The following ITGB3BP variants were observed in gnomAD, a reference collection of about 807,000 sequenced individuals.
ITGB3BP encodes integrin subunit beta 3 binding protein, also known as centromere protein R.
ITGB3BP carries 27 observed loss-of-function variants against 29.1 expected under a neutral mutation model. That is an observed-to-expected ratio of 0.93 (90% CI 0.68 to 1.28). ITGB3BP has a LOEUF of 1.28. ITGB3BP is among the 50% of genes most tolerant of loss of function. ITGB3BP has a pLI of 0.00. For missense variants in ITGB3BP, 192 were observed against 200.2 expected (o/e 0.96, Z 0.25); for synonymous variants, 61 against 61.4 (o/e 0.99, Z 0.03).
At chr1:63,513,908 T>G (rs777764364) in intron 1 of ITGB3BP, among the ~76,000 whole-genome samples, 5 of 152,208 alleles carry the variant, frequency 3.3e-5, no homozygotes, top group Non-Finnish European at 7.3e-5. Context: ...AATTTACATA[T>G]AGCAAGCAGC....
At chr1:63,472,586 T>A (rs1012928865) in intron 4 of ITGB3BP, among the ~76,000 whole-genome samples, 7 of 150,130 alleles carry the variant, frequency 4.7e-5, no homozygotes, top group African/African-American at 1.5e-4. Flanking sequence ...TTCTCCTGCC[T>A]CAGCCTGCCG....
intron 2 of ITGB3BP, among the ~76,000 whole-genome samples, chr1:63,503,916 C>T (rs1301690150): frequency 1.3e-5 from 2 of 149,894 alleles, no homozygotes; most frequent in Admixed American, 6.6e-5. Flanking sequence ...GTTACTGTAG[C>T]CTTGTAGTAT....
At chr1:63,519,967 T>C (rs1646412682) in intron 1 of ITGB3BP, among the ~76,000 whole-genome samples, 1 of 152,184 alleles carries the variant, frequency 6.6e-6, no homozygotes, top group African/African-American at 2.4e-5. Context: ...TTTATAGCTT[T>C]AGTTCAGTCA....
At position 63,454,292 on chromosome 1, in the gene ITGB3BP, T is replaced by C; in HGVS notation, c.427+88A>G. 1 of 603,200 alleles carries C rather than the reference T, an allele frequency of 1.7e-6. No homozygotes were observed. Among genetic ancestry groups the C allele is most frequent in the Non-Finnish European group, 2.9e-6 (1 of 341,642 alleles). 37.4% of individuals were successfully genotyped at this position (603,200 alleles called of 1,614,324 possible). A position where few individuals can be genotyped will look rare whatever the true frequency, so the allele number is the denominator to read the frequency against. ...TTTTATCACATGTCCAGTAATGGTA[T>C]ATATAAAGAAGTCTATCAAATGTAA... On this transcript the variant is annotated intron_variant, in intron 6 of 8. Coordinates refer to ENST00000271002, the MANE Select transcript of ITGB3BP (RefSeq NM_014288.5). This position sits in a 1 kb window ranked among gnomAD's most constrained non-coding sequence, Gnocchi z 4.1.
rs544762352 is a variant in ITGB3BP at position 63,485,527 on chromosome 1, G to C, written c.184+4556C>G. Among the ~76,000 whole-genome samples the C allele has an allele frequency of 2.0e-5, 3 of 150,928 alleles. No homozygotes were observed. In the South Asian group the frequency reaches 6.3e-4, roughly 32 times the overall value. On this transcript the variant is annotated intron_variant, in intron 3 of 8. Transcript: ENST00000271002. ...TTGTTTGACTTTTGCTTTATAGTCA[G>C]CAAAACTTGTAATTAGATTAACATG...
chr1:63,500,223 C>T (rs558195090), intron 2 of ITGB3BP, among the ~76,000 whole-genome samples: 1 of 152,160 alleles, frequency 6.6e-6, no homozygotes, highest in Admixed American at 6.5e-5. Flanking sequence ...ACTAAAAATA[C>T]AAAATTTAGC....
At chr1:63,450,757 T>C (rs2100488422) in intron 7 of ITGB3BP, among the ~76,000 whole-genome samples, 1 of 152,114 alleles carries the variant, frequency 6.6e-6, no homozygotes, top group East Asian at 1.9e-4. Context: ...ATTTCCTAAG[T>C]AACTGAAGAA....
intron 3 of ITGB3BP, among the ~76,000 whole-genome samples, chr1:63,483,717 A>G (rs148691409): frequency 1.6e-3 from 244 of 152,302 alleles, no homozygotes; most frequent in African/African-American, 5.7e-3. Context: ...TTGGTCAGTG[A>G]CAAACCACAT....
rs767489772 is a variant in ITGB3BP at position 63,454,958 on chromosome 1, A to G, written c.265T>C (p.Leu89=). 2.4e-5 allele frequency: 36 copies of G among 1,521,166 alleles called. No homozygotes were observed. Among genetic ancestry groups the G allele is most frequent in the Non-Finnish European group, 3.2e-5 (35 of 1,096,880 alleles). 94.2% of individuals were successfully genotyped at this position (1,521,166 alleles called of 1,614,324 possible). The change falls in exon 5 of 9, where the codon TTG becomes CTG. Residue 89 remains leucine, a synonymous_variant. Transcript: ENST00000271002. This position sits in a 1 kb window ranked among gnomAD's most constrained non-coding sequence, Gnocchi z 4.1. ...GACAATTTCTCAACTTTTGATAGCA[A>G]CATCATGAATCTAGTAATAAAGAAA... ...TTKDNDEFMM[L]LSKVEKLSEE...
intron 4 of ITGB3BP, among the ~76,000 whole-genome samples, chr1:63,465,315 C>T (rs978631343): frequency 6.6e-6 from 1 of 151,974 alleles, no homozygotes; most frequent in Non-Finnish European, 1.5e-5. Flanking sequence ...AATATTCTTG[C>T]AAATTTTCTG....
intron 4 of ITGB3BP, among the ~76,000 whole-genome samples, chr1:63,475,963 A>G (rs2100613072): frequency 6.9e-6 from 1 of 145,084 alleles, no homozygotes; most frequent in South Asian, 2.2e-4. Context: ...GTGTCATTGC[A>G]TTCCAGACTG....
chr1:63,508,578 CAAAAAATTTA>C lies in ITGB3BP; in HGVS notation c.6-18_6-9del. On this transcript the variant is annotated splice_polypyrimidine_tract_variant and intron_variant, in intron 1 of 8. Coordinates refer to ENST00000271002, the MANE Select transcript of ITGB3BP (RefSeq NM_014288.5). ...TTCAGTGATCTTTTAACACTACAAACAAAAAATTTAAAGAAATTTTAGATTTGACACGCTT... is the reference window on the plus strand; with the variant it reads ...TTCAGTGATCTTTTAACACTACAAACAAGAAATTTTAGATTTGACACGCTT... 7.7e-7 allele frequency: 1 copy of C among 1,305,220 alleles called. No homozygotes were observed. The allele number at this position is 1,305,220 out of a possible 1,614,324, so 80.9% of individuals were successfully genotyped here. A position where few individuals can be genotyped will look rare whatever the true frequency, so the allele number is the denominator to read the frequency against.
exon 2 of ITGB3BP, chr1:63,529,146 C>A (rs943249408): frequency 2.0e-5 from 3 of 152,138 alleles, no homozygotes; most frequent in Admixed American, 2.0e-4. Context: ...GTTGCTAGGG[C>A]AGCATGGTAA....
intron 4 of ITGB3BP, among the ~76,000 whole-genome samples, chr1:63,471,938 C>T (rs985726433): frequency 6.6e-6 from 1 of 152,024 alleles, no homozygotes; most frequent in Non-Finnish European, 1.5e-5. Context: ...GTGCAAGCCA[C>T]CACGCCTGGC....
At chr1:63,496,098 T>G (rs1645781157) in intron 2 of ITGB3BP, among the ~76,000 whole-genome samples, 1 of 151,566 alleles carries the variant, frequency 6.6e-6, no homozygotes, top group Non-Finnish European at 1.5e-5. Context: ...ACTACAATTT[T>G]TTTTTTTTTT....
At chr1:63,513,842 C>A (rs1377841088) in intron 1 of ITGB3BP, among the ~76,000 whole-genome samples, 2 of 152,068 alleles carry the variant, frequency 1.3e-5, no homozygotes, top group Non-Finnish European at 2.9e-5. Context: ...CACATACCAC[C>A]ATGGAAAGCA....
intron 4 of ITGB3BP, among the ~76,000 whole-genome samples, chr1:63,460,255 C>G (rs1454549531): frequency 6.6e-6 from 1 of 152,160 alleles, no homozygotes; most frequent in Non-Finnish European, 1.5e-5. Context: ...CAAAAGTTTT[C>G]TATTACTACA....
chr1:63,495,208 G>C (rs1179890573), intron 2 of ITGB3BP, among the ~76,000 whole-genome samples: 1 of 152,148 alleles, frequency 6.6e-6, no homozygotes, highest in Non-Finnish European at 1.5e-5. Flanking sequence ...TTTTGTATAT[G>C]AAGTGAATTT....
rs1645388627 is a variant in ITGB3BP, at chr1:63,478,848, T to C, written c.185-15A>G. On this transcript the variant is annotated splice_polypyrimidine_tract_variant and intron_variant, in intron 3 of 8. Coordinates refer to ENST00000271002, the MANE Select transcript of ITGB3BP (RefSeq NM_014288.5). ...TTTTCTCTTTTCTATATATGTGTAA[T>C]AAAGAAAAGGACATAAAGTTAAAGG... 1 of 955,378 alleles carries C rather than the reference T, an allele frequency of 1.0e-6. No individual in the cohort carries two copies. Among genetic ancestry groups the C allele is most frequent in the Non-Finnish European group, 1.5e-6 (1 of 647,186 alleles). The allele number at this position is 955,378 out of a possible 1,614,324, so 59.2% of individuals were successfully genotyped here. A position where few individuals can be genotyped will look rare whatever the true frequency, so the allele number is the denominator to read the frequency against.
Sources: gnomAD v4.1 joint callset for allele counts (sites outside exome capture counted in the v4.1 genomes callset) on GRCh38, gnomAD v4.1.1 for gene constraint, Gnocchi (gnomAD v3.1) non-coding constraint, MANE v1.5 for transcripts, NCBI Gene and HGNC (gene_info 2026-07-23, HGNC 2026-07-21) for gene names.